The following ATPAF1 variants were observed in gnomAD, a reference collection of about 807,000 sequenced individuals.
The protein encoded by ATPAF1 is homolog of yeast ATP11.
ATPAF1 carries 26 observed loss-of-function variants against 43.9 expected under a neutral mutation model. The observed-to-expected ratio is 0.59, with a 90% CI of 0.43 to 0.82. The LOEUF is 0.82. ATPAF1 is among the 40% of genes least tolerant of loss of function. The pLI, the probability that ATPAF1 is intolerant of heterozygous loss-of-function variation, is 0.00. For missense variants in ATPAF1, 366 were observed against 435.0 expected (o/e 0.84, Z 1.41); for synonymous variants, 157 against 168.0 (o/e 0.93, Z 0.50).
exon 9 of ATPAF1, chr1:46,635,517 G>A (rs1189812764): frequency 6.6e-6 from 3 of 457,874 alleles, no homozygotes; most frequent in African/African-American, 3.9e-5. Context: ...TAGGTCCTTG[G>A]CTGTCTCTTG....
chr1:46,656,157 A>G (rs1676268500), intron 4 of ATPAF1, among the ~76,000 whole-genome samples: 1 of 152,222 alleles, frequency 6.6e-6, no homozygotes, highest in Non-Finnish European at 1.5e-5. Flanking sequence ...ATTAGGAGTT[A>G]GAGTAGGGAA....
chr1:46,649,391 T>C (rs1419908659), intron 6 of ATPAF1, among the ~76,000 whole-genome samples: 1 of 152,218 alleles, frequency 6.6e-6, no homozygotes, highest in African/African-American at 2.4e-5. Flanking sequence ...TTAATCTACA[T>C]GTCTATCTTT....
rs1275255248 is a variant in ATPAF1 at position 46,642,523 on chromosome 1, G to C, written c.792+671C>G. 2.0e-5 allele frequency among the ~76,000 whole-genome samples: 3 copies of C among 152,138 alleles called. No homozygotes were observed. The South Asian group carries it at 6.2e-4, about 31-fold the overall frequency. On this transcript the variant is annotated intron_variant, in intron 8 of 8. Coordinates refer to ENST00000574428, the Ensembl canonical transcript of ATPAF1. Reference sequence around the variant, plus strand: ...TGGGCATCATTAACTATGAGCATATGGTCAATGCTCTATCTCAGTGATTCT... The same window carrying C: ...TGGGCATCATTAACTATGAGCATATCGTCAATGCTCTATCTCAGTGATTCT...
downstream of ATPAF1, chr1:46,634,316 A>C (rs1675797708): frequency 6.2e-6 from 1 of 160,222 alleles, no homozygotes; most frequent in African/African-American, 2.4e-5. Flanking sequence ...ATGTTAGATC[A>C]ATAAAGAAAT....
chr1:46,668,162 C>A lies in ATPAF1; in HGVS notation c.161G>T (p.Gly54Val). Reference sequence around the variant, plus strand: ...GCTGTCGGCGCCCCCCTCGGGCCGGCCCGAGCCGGGGCGCACTGGGAAGAC... The same window carrying A: ...GCTGTCGGCGCCCCCCTCGGGCCGGACCGAGCCGGGGCGCACTGGGAAGAC... Residue 54 changes from glycine (G) to valine (V), a missense_variant, in exon 1 of 9, where the codon GGC becomes GTC. By Grantham distance (109) the Gly-to-Val change is moderately radical. This residue lies in a region of ATPAF1 where 186 missense variants were observed against 168.5 expected (regional missense o/e 1.10). Coordinates refer to ENST00000574428, the Ensembl canonical transcript of ATPAF1. The surrounding 1 kb of genome is among the most constrained non-coding windows in gnomAD (Gnocchi z 4.4). The A allele has an allele frequency of 7.1e-7, 1 of 1,402,898 alleles. No homozygotes were observed. Among genetic ancestry groups the A allele is most frequent in the South Asian group, 1.6e-5 (1 of 64,370 alleles). The allele number at this position is 1,402,898 out of a possible 1,614,324, so 86.9% of individuals were successfully genotyped here.
Position 46,668,266 on chromosome 1 carries a change from C to A in ATPAF1, c.57G>T (p.Val19=). ...CGCACAGGCCCCGGTAGAGACCGGC[C>A]ACCTGCAGGACCGCCGGTCCCGCGC... The change falls in exon 1 of 9, where the codon GTG becomes GTT. Residue 19 remains valine (V), a synonymous_variant. Coordinates refer to ENST00000574428, the Ensembl canonical transcript of ATPAF1. The surrounding 1 kb of genome is among the most constrained non-coding windows in gnomAD (Gnocchi z 4.4). 1 of 1,389,642 alleles carries A rather than the reference C, an allele frequency of 7.2e-7. No homozygotes were observed. The highest frequency in any genetic ancestry group is 9.4e-7 in the Non-Finnish European group (1 of 1,068,044). The allele number at this position is 1,389,642 out of a possible 1,614,324, so 86.1% of individuals were successfully genotyped here.
Position 46,662,799 on chromosome 1 carries a change from T to C in ATPAF1, c.375+2457A>G, listed in dbSNP as rs4528061. On this transcript the variant is annotated intron_variant, in intron 2 of 8. Coordinates refer to ENST00000574428, the Ensembl canonical transcript of ATPAF1. ...ATTTTATTTTTTTCTATTTTTATTA[T>C]ACTTTAAGTTTTAGGGTACATGTAC... is the stretch of plus-strand genomic sequence containing the variant. 4.3e-4 allele frequency among the ~76,000 whole-genome samples: 66 copies of C among 152,364 alleles called. 1 individual carries two copies. Among genetic ancestry groups the C allele is most frequent in the East Asian group, 2.7e-3 (14 of 5,188 alleles).
intron 3 of ATPAF1, 56 bp from the exon 4 acceptor site, chr1:46,658,245 C>T: frequency 8.9e-7 from 1 of 1,119,012 alleles, no homozygotes; most frequent in Non-Finnish European, 1.3e-6. Flanking sequence ...AAAAAAACAG[C>T]TTAACTCTAT....
chr1:46,640,797 C>T (rs1195293381), intron 8 of ATPAF1, among the ~76,000 whole-genome samples: 2 of 152,198 alleles, frequency 1.3e-5, no homozygotes, highest in Non-Finnish European at 2.9e-5. Flanking sequence ...CAATTTTGTA[C>T]TTCCTCTTTT....
At chr1:46,650,431 A>T (rs1028472884) in intron 6 of ATPAF1, among the ~76,000 whole-genome samples, 4 of 149,946 alleles carry the variant, frequency 2.7e-5, no homozygotes, top group Admixed American at 2.1e-4. Flanking sequence ...GTGGAACGTA[A>T]ATTAGTATAG....
chr1:46,653,506 T>C lies in ATPAF1; in HGVS notation c.540+311A>G, dbSNP rs958140333. Among the ~76,000 whole-genome samples, 2 of 152,066 alleles carry C rather than the reference T, an allele frequency of 1.3e-5. No individual in the cohort carries two copies. Among genetic ancestry groups the C allele is most frequent in the African/African-American group, 4.8e-5 (2 of 41,382 alleles). ...CCTGTCTTAAATTCCAACAGCTTGG[T>C]TGGAAAACATCAGTAAGAAAAAAAA... On this transcript the variant is annotated intron_variant, in intron 5 of 8. Coordinates refer to ENST00000574428, the Ensembl canonical transcript of ATPAF1. The surrounding 1 kb of genome is among the most constrained non-coding windows in gnomAD (Gnocchi z 4.8).
intron 6 of ATPAF1, among the ~76,000 whole-genome samples, chr1:46,646,032 C>T (rs991285332): frequency 6.6e-6 from 1 of 152,060 alleles, no homozygotes; most frequent in African/African-American, 2.4e-5. Context: ...AAAAAATAGC[C>T]AGGTGTGGTG....
At chr1:46,642,195 T>C (rs1186239217) in intron 8 of ATPAF1, among the ~76,000 whole-genome samples, 1 of 152,188 alleles carries the variant, frequency 6.6e-6, no homozygotes, top group African/African-American at 2.4e-5. Context: ...TGGTACTGAA[T>C]AGCTTCAAGA....
At chr1:46,659,481 A>G (rs528089343) in intron 2 of ATPAF1, among the ~76,000 whole-genome samples, 1 of 152,344 alleles carries the variant, frequency 6.6e-6, no homozygotes, top group East Asian at 1.9e-4. Flanking sequence ...CTTATCTCTG[A>G]CAACACTTTG....
rs1438669698 is a variant in ATPAF1, at chr1:46,668,187, C to T, written c.136G>A (p.Val46Ile). The T allele has an allele frequency of 3.6e-6, 5 of 1,395,472 alleles. No individual in the cohort carries two copies. The highest frequency in any genetic ancestry group is 3.7e-6 in the Non-Finnish European group (4 of 1,075,204). 86.4% of individuals were successfully genotyped at this position (1,395,472 alleles called of 1,614,324 possible). The change falls in exon 1 of 9, where the codon GTC becomes ATC. Residue 46 changes from valine to isoleucine, a missense_variant. Physicochemically the swap from Val to Ile is conservative, Grantham distance 29. This residue lies in a region of ATPAF1 where 186 missense variants were observed against 168.5 expected (regional missense o/e 1.10). Coordinates refer to ENST00000574428, the Ensembl canonical transcript of ATPAF1. The surrounding 1 kb of genome is among the most constrained non-coding windows in gnomAD (Gnocchi z 4.4). ...CCCGAGCCGGGGCGCACTGGGAAGA[C>T]GCGCAGCTGCGCGGGTGACACGAGC... is the stretch of plus-strand genomic sequence containing the variant.
At chr1:46,663,480 TG>T (rs1334818544) in intron 2 of ATPAF1, among the ~76,000 whole-genome samples, 1 of 152,346 alleles carries the variant, frequency 6.6e-6, no homozygotes, top group East Asian at 1.9e-4. Context: ...CCATTCTAAC[TG>T]GTGTGAGATG....
At chr1:46,646,947 G>T (rs1676054566) in intron 6 of ATPAF1, among the ~76,000 whole-genome samples, 2 of 152,150 alleles carry the variant, frequency 1.3e-5, no homozygotes, top group Admixed American at 1.3e-4. Flanking sequence ...ACCACAAAAT[G>T]AGTACTTTTT....
At chr1:46,644,512 C>T (rs1676003798) in intron 7 of ATPAF1, among the ~76,000 whole-genome samples, 1 of 152,160 alleles carries the variant, frequency 6.6e-6, no homozygotes, top group Non-Finnish European at 1.5e-5. Context: ...GCTGTTCCTT[C>T]ATTCTATTTT....
chr1:46,661,247 T>C (rs1557427738), intron 2 of ATPAF1, among the ~76,000 whole-genome samples: 1 of 152,070 alleles, frequency 6.6e-6, no homozygotes, highest in Non-Finnish European at 1.5e-5. Flanking sequence ...TAATTTTTCT[T>C]TTGCATTTTA....
Sources: allele counts gnomAD v4.1 joint callset (sites outside exome capture counted in the v4.1 genomes callset), GRCh38; gene constraint gnomAD v4.1.1; regional missense constraint gnomAD v4.1.1; non-coding constraint Gnocchi (gnomAD v3.1); transcripts MANE v1.5; gene names NCBI Gene and HGNC (gene_info 2026-07-23, HGNC 2026-07-21).